Variants in TTLL11 observed in about 807,000 individuals in gnomAD.
TTLL11 encodes the protein tubulin tyrosine ligase like 11.
TTLL11 carries 42 observed loss-of-function variants against 51.7 expected under a neutral mutation model. The observed-to-expected ratio is 0.81, with a 90% CI of 0.64 to 1.05. TTLL11 has a LOEUF of 1.05. Ranked by LOEUF, TTLL11 falls within the 50% of genes least tolerant of loss-of-function variation. TTLL11 has a pLI of 0.00. For synonymous variants in TTLL11, 381 were observed against 383.5 expected, an observed-to-expected ratio of 0.99 and a Z score of 0.08; for missense variants, 799 against 940.4, an observed-to-expected ratio of 0.85 and a Z score of 1.97.
At chr9:121,844,468 A>G (rs1223761493) in intron 8 of TTLL11, among the ~76,000 whole-genome samples, 2 of 152,204 alleles carry the variant, frequency 1.3e-5, no homozygotes, top group African/African-American at 2.4e-5. Flanking sequence ...GGCTTTCAAC[A>G]AAACATTACA....
At position 121,853,450 on chromosome 9, in the gene TTLL11, GA is replaced by G. The variant is rs1407919364; in HGVS notation, c.1840+6886del. Among the ~76,000 whole-genome samples the G allele has an allele frequency of 6.7e-6, 1 of 150,040 alleles. No homozygotes were observed. The highest frequency in any genetic ancestry group is 2.5e-5 in the African/African-American group (1 of 40,806). On this transcript the variant is annotated intron_variant, in intron 8 of 8. Coordinates refer to ENST00000321582, the MANE Select transcript of TTLL11 (RefSeq NM_001139442.2). This position sits in a 1 kb window ranked among gnomAD's most constrained non-coding sequence, Gnocchi z 5.6. ...CCTGGGGGGTGGTGGTGAGCAAGGA[GA>G]GGGGGTTCCTGCAGAGGTGGGGGCC...
chr9:122,038,193 A>G (rs865837550), intron 2 of TTLL11, among the ~76,000 whole-genome samples: 2 of 152,180 alleles, frequency 1.3e-5, no homozygotes, highest in Non-Finnish European at 2.9e-5. Context: ...CTTTTTAGAA[A>G]GTATTTATTA....
intron 4 of TTLL11, among the ~76,000 whole-genome samples, chr9:121,977,528 C>T (rs934560595): frequency 6.6e-6 from 1 of 152,170 alleles, no homozygotes; most frequent in Non-Finnish European, 1.5e-5. Context: ...CATTTCATAT[C>T]TTAGTTCTGC....
intron 6 of TTLL11, among the ~76,000 whole-genome samples, chr9:121,937,495 G>A (rs1841281706): frequency 6.6e-6 from 1 of 152,156 alleles, no homozygotes. Flanking sequence ...TGCTGTGCAA[G>A]GCTTTTGCAG....
intron 6 of TTLL11, among the ~76,000 whole-genome samples, chr9:121,957,323 C>T (rs1842052708): frequency 6.6e-6 from 1 of 152,204 alleles, no homozygotes; most frequent in East Asian, 1.9e-4. Context: ...CTTGGTCAAT[C>T]TGTCCCTACA....
At chr9:121,960,503 C>A (rs1564327652) in intron 6 of TTLL11, among the ~76,000 whole-genome samples, 1 of 152,142 alleles carries the variant, frequency 6.6e-6, no homozygotes, top group Non-Finnish European at 1.5e-5. Context: ...CTCACTGCCT[C>A]CTTCCTGACC....
intron 6 of TTLL11, among the ~76,000 whole-genome samples, chr9:121,910,367 A>G (rs1840072626): frequency 6.6e-6 from 1 of 152,194 alleles, no homozygotes; most frequent in Admixed American, 6.5e-5. Flanking sequence ...TTCTGCAGGG[A>G]GCAGCATGGC....
chr9:122,045,373 C>T (rs1044316506), intron 1 of TTLL11, among the ~76,000 whole-genome samples: 3 of 151,956 alleles, frequency 2.0e-5, no homozygotes, highest in African/African-American at 7.3e-5. Context: ...GCCAACATGG[C>T]GAAACTCTGT....
chr9:121,983,813 C>CT (rs1842876988), intron 4 of TTLL11, among the ~76,000 whole-genome samples: 1 of 152,114 alleles, frequency 6.6e-6, no homozygotes, highest in East Asian at 1.9e-4. Flanking sequence ...ACACTGTGTG[C>CT]CCCCTCAGAG....
At chr9:121,977,674 T>C (rs1654268083) in intron 4 of TTLL11, among the ~76,000 whole-genome samples, 1 of 76,698 alleles carries the variant, frequency 1.3e-5, no homozygotes, top group Admixed American at 1.8e-4. Context: ...TAATTTAATT[T>C]AATTTTTTTT....
intron 3 of TTLL11, among the ~76,000 whole-genome samples, chr9:122,015,871 T>A (rs548809722): frequency 2.5e-4 from 38 of 151,762 alleles, no homozygotes; most frequent in African/African-American, 9.0e-4. Flanking sequence ...CAACTCAATT[T>A]GGCAAATATA....
chr9:121,834,237 T>C (rs1001905129), intron 8 of TTLL11, among the ~76,000 whole-genome samples: 2 of 152,112 alleles, frequency 1.3e-5, no homozygotes, highest in African/African-American at 4.8e-5. Context: ...GCTGCACGGT[T>C]CCCCTAGACT....
At chr9:122,024,276 G>C (rs1274897135) in intron 3 of TTLL11, among the ~76,000 whole-genome samples, 3 of 152,124 alleles carry the variant, frequency 2.0e-5, no homozygotes, top group Non-Finnish European at 4.4e-5. Context: ...AAAAAACACT[G>C]TTCAAAGAAA....
At chr9:121,859,223 G>T (rs1837927723) in intron 8 of TTLL11, among the ~76,000 whole-genome samples, 1 of 152,104 alleles carries the variant, frequency 6.6e-6, no homozygotes, top group Non-Finnish European at 1.5e-5. Flanking sequence ...GGGCGCAGTG[G>T]CTCACGCCTG....
At chr9:121,925,380 TC>T (rs1840690595) in intron 6 of TTLL11, among the ~76,000 whole-genome samples, 1 of 152,162 alleles carries the variant, frequency 6.6e-6, no homozygotes, top group Non-Finnish European at 1.5e-5. Context: ...GGGCGAGGCC[TC>T]CCGCTGCCGG....
chr9:121,990,990 T>C (rs1369408944), intron 3 of TTLL11, among the ~76,000 whole-genome samples: 1 of 152,140 alleles, frequency 6.6e-6, no homozygotes, highest in Non-Finnish European at 1.5e-5. Flanking sequence ...GAGGAGGTTT[T>C]CACAAGCAGA....
At chr9:121,943,487 C>T (rs1432634146) in intron 6 of TTLL11, among the ~76,000 whole-genome samples, 12 of 152,110 alleles carry the variant, frequency 7.9e-5, no homozygotes, top group Admixed American at 6.5e-4. Context: ...ATTATTTTAC[C>T]GAGGGACAAA....
chr9:121,958,664 C>T (rs1564326632), intron 6 of TTLL11, among the ~76,000 whole-genome samples: 1 of 152,200 alleles, frequency 6.6e-6, no homozygotes, highest in East Asian at 1.9e-4. Context: ...CACATAGAGT[C>T]CTAAAGCCTA....
chr9:121,914,673 A>T (rs1840258011), intron 6 of TTLL11, among the ~76,000 whole-genome samples: 3 of 152,134 alleles, frequency 2.0e-5, no homozygotes, highest in African/African-American at 2.4e-5. Flanking sequence ...CTCCTATGTC[A>T]TGCGGCCCCC....
Sources: gnomAD v4.1 joint callset for allele counts (sites outside exome capture counted in the v4.1 genomes callset) on GRCh38, gnomAD v4.1.1 for gene constraint, Gnocchi (gnomAD v3.1) non-coding constraint, MANE v1.5 for transcripts, NCBI Gene and HGNC (gene_info 2026-07-23, HGNC 2026-07-21) for gene names.